IQCK: variants seen among roughly 807,000 people sequenced by gnomAD.
IQCK encodes the protein IQ motif containing K.
IQCK carries 29 observed loss-of-function variants against 28.1 expected under a neutral mutation model. The ratio of observed to expected loss-of-function variants is 1.03; its 90% CI spans 0.77 to 1.41. The LOEUF is 1.41. Ranked by LOEUF, IQCK falls within the 40% of genes most tolerant of loss-of-function variation. The probability of loss-of-function intolerance (pLI) is 0.00; values close to 1 mark genes in which losing one functional copy is unlikely to be tolerated. For missense variants in IQCK, 359 were observed against 314.7 expected (o/e 1.14, Z -1.07); for synonymous variants, 113 against 115.1 (o/e 0.98, Z 0.12).
At chr16:19,783,849 TGTC>T (rs2151728956) in intron 6 of IQCK, among the ~76,000 whole-genome samples, 1 of 152,306 alleles carries the variant, frequency 6.6e-6, no homozygotes, top group South Asian at 2.1e-4. Flanking sequence ...TTTTTGGAGA[TGTC>T]GTTGTGATGC....
chr16:19,801,016 CA>C (rs1278076797), intron 7 of IQCK, among the ~76,000 whole-genome samples: 4 of 131,732 alleles, frequency 3.0e-5, no homozygotes, highest in African/African-American at 7.5e-5. Context: ...TGTAAATATG[CA>C]AAAAAAATTT....
intron 6 of IQCK, among the ~76,000 whole-genome samples, chr16:19,767,074 G>A (rs8044734): frequency 0.053 from 8,007 of 152,272 alleles, 671 homozygotes; most frequent in African/African-American, 0.18. Context: ...TGCAACAGGG[G>A]GATGTGGCTC....
intron 9 of IQCK, among the ~76,000 whole-genome samples, chr16:19,855,512 G>A (rs1189784066): frequency 1.3e-5 from 2 of 152,098 alleles, no homozygotes; most frequent in African/African-American, 2.4e-5. Context: ...TTGAACCTGC[G>A]AGGCGGAGGT....
chr16:19,851,360 T>G (rs760358292), intron 9 of IQCK, among the ~76,000 whole-genome samples: 1 of 152,176 alleles, frequency 6.6e-6, no homozygotes, highest in South Asian at 2.1e-4. Context: ...GAATCTATAT[T>G]TTCACCCCAG....
intron 2 of IQCK, among the ~76,000 whole-genome samples, chr16:19,732,870 G>A (rs181033752): frequency 6.6e-6 from 1 of 152,272 alleles, no homozygotes; most frequent in African/African-American, 2.4e-5. Flanking sequence ...GAGAGGAGGG[G>A]GAGCTGGAGA....
chr16:19,823,182 A>G (rs1408082695), intron 7 of IQCK, among the ~76,000 whole-genome samples: 1 of 152,136 alleles, frequency 6.6e-6, no homozygotes, highest in Non-Finnish European at 1.5e-5. Context: ...TAGGAAGCCC[A>G]GGGACCAAGG....
intron 4 of IQCK, among the ~76,000 whole-genome samples, chr16:19,742,340 CGGATT>C (rs1387233174): frequency 7.2e-5 from 11 of 152,158 alleles, no homozygotes; most frequent in Admixed American, 1.3e-4. Flanking sequence ...TTAATTAAAT[CGGATT>C]CCCTCCATGT....
intron 7 of IQCK, among the ~76,000 whole-genome samples, chr16:19,809,796 C>A (rs2055879902): frequency 2.0e-5 from 3 of 152,202 alleles, no homozygotes; most frequent in Admixed American, 6.5e-5. Flanking sequence ...ATGGGCCCCA[C>A]CCCCAGAAAA....
rs1249385428 is a variant in IQCK, at chr16:19,782,931, C to T, written c.606-5907C>T. The stretch of plus-strand genomic sequence containing the variant: ...ATGTGCACATACATTTATATATACA[C>T]AACACAATCAGAAAAATAAATTTTT... On this transcript the variant is annotated intron_variant, in intron 6 of 7. Transcript: ENST00000564186. Among the ~76,000 whole-genome samples the T allele has an allele frequency of 2.6e-5, 4 of 152,146 alleles. No homozygotes were observed. In the East Asian group the frequency reaches 7.7e-4, roughly 29 times the overall value.
intron 7 of IQCK, among the ~76,000 whole-genome samples, chr16:19,798,422 ATAT>A (rs758444573): frequency 1.9e-5 from 2 of 106,948 alleles, no homozygotes; most frequent in Non-Finnish European, 3.4e-5. Context: ...ATCACAAAAA[ATAT>A]ATATATATAT....
chr16:19,843,588 A>G (rs1002996437), intron 9 of IQCK, among the ~76,000 whole-genome samples: 1 of 152,250 alleles, frequency 6.6e-6, no homozygotes, highest in Non-Finnish European at 1.5e-5. Flanking sequence ...TCAGGCTGCC[A>G]TAATAAAATA....
rs188967622 is a variant in IQCK, at chr16:19,720,139, C to T, written c.181+1652C>T. On this transcript the variant is annotated intron_variant, in intron 1 of 7. Transcript: ENST00000564186. ...TACAGAGAAGGAAGAGAATAGTAGA[C>T]TCAGTTGATAGATGCCCTCCAAAGC... 9.8e-5 allele frequency among the ~76,000 whole-genome samples: 15 copies of T among 152,300 alleles called. No individual in the cohort carries two copies. The East Asian group carries it at 2.9e-3, about 29-fold the overall frequency.
At chr16:19,734,780 C>CAAA (rs1358666397) in intron 3 of IQCK, among the ~76,000 whole-genome samples, 1 of 64,828 alleles carries the variant, frequency 1.5e-5, no homozygotes, top group Non-Finnish European at 3.3e-5. Context: ...GACTCTGTCT[C>CAAA]AAAAAAAAAA....
intron 6 of IQCK, among the ~76,000 whole-genome samples, chr16:19,771,588 A>G (rs1478714235): frequency 1.3e-5 from 2 of 152,226 alleles, no homozygotes; most frequent in African/African-American, 2.4e-5. Flanking sequence ...AAAAAATTCA[A>G]ACAAAACAGA....
At chr16:19,731,647 T>G (rs1977844083) in intron 2 of IQCK, among the ~76,000 whole-genome samples, 2 of 152,234 alleles carry the variant, frequency 1.3e-5, no homozygotes, top group African/African-American at 4.8e-5. Context: ...TTTGATTGTT[T>G]ATTAATGGTC....
chr16:19,759,321 C>T (rs1449084754), intron 4 of IQCK, among the ~76,000 whole-genome samples: 1 of 152,112 alleles, frequency 6.6e-6, no homozygotes. Context: ...CGATTCTCCT[C>T]TCTCAGCTTC....
intron 7 of IQCK, among the ~76,000 whole-genome samples, chr16:19,819,234 T>C (rs2056031331): frequency 6.6e-6 from 1 of 152,202 alleles, no homozygotes; most frequent in Non-Finnish European, 1.5e-5. Context: ...GTCTCACGCC[T>C]GTAATTCCAG....
intron 9 of IQCK, among the ~76,000 whole-genome samples, chr16:19,843,349 C>G (rs1458109102): frequency 6.6e-6 from 1 of 152,174 alleles, no homozygotes; most frequent in Non-Finnish European, 1.5e-5. Flanking sequence ...ACCCTACACC[C>G]TTTAGCCATT....
intron 6 of IQCK, among the ~76,000 whole-genome samples, chr16:19,783,057 G>C (rs1597555551): frequency 6.6e-6 from 1 of 151,024 alleles, no homozygotes; most frequent in East Asian, 1.9e-4. Context: ...GGAGTACAGT[G>C]GTGCGATCTT....
Sources: allele counts gnomAD v4.1 joint callset (sites outside exome capture counted in the v4.1 genomes callset), GRCh38; gene constraint gnomAD v4.1.1; transcripts MANE v1.5; gene names NCBI Gene and HGNC (gene_info 2026-07-23, HGNC 2026-07-21).